Variants in VWA2 observed in about 807,000 individuals in gnomAD.
VWA2 encodes the protein von Willebrand factor A domain-containing protein 2.
In VWA2, 73 loss-of-function variants were observed where a neutral mutation model predicts 70.4. That is an observed-to-expected ratio of 1.04 (90% CI 0.86 to 1.26). VWA2 has a LOEUF of 1.26. VWA2 is among the 50% of genes most tolerant of loss of function. VWA2 has a pLI of 0.00. For synonymous variants in VWA2, 407 were observed against 423.3 expected, an observed-to-expected ratio of 0.96 and a Z score of 0.47; for missense variants, 1,011 against 998.5, an observed-to-expected ratio of 1.01 and a Z score of -0.17.
chr10:114,286,541 C>A, intron 11 of VWA2, 30 bp downstream of exon 11: 1 of 1,510,440 alleles, frequency 6.6e-7, no homozygotes, highest in Non-Finnish European at 8.8e-7. Flanking sequence ...CCCAGGACCG[C>A]TGGTCAGTGG....
chr10:114,239,733 T>C (rs2036941912), intron 1 of VWA2, among the ~76,000 whole-genome samples, 164 bp downstream of exon 1: 1 of 152,174 alleles, frequency 6.6e-6, no homozygotes, highest in Non-Finnish European at 1.5e-5. Context: ...TTGTTCGCAT[T>C]GTCTGCGCGC....
intron 1 of VWA2, chr10:114,246,126 G>A: frequency 1.0e-6 from 1 of 972,056 alleles, no homozygotes; most frequent in Non-Finnish European, 1.6e-6. Flanking sequence ...GATCTCTGGA[G>A]CCTTGGTGTT....
chr10:114,248,721 C>T lies in VWA2; in HGVS notation c.8C>T (p.Pro3Leu). ...CCCTGTAGTTATATCAACATGCCCC[C>T]TTTCCTGTTGCTGGAAGCCGTCTGT... The part of the protein sequence containing the change: MP[P>L]FLLLEAVCVF... Residue 3 changes from proline to leucine, a missense_variant, in exon 2 of 14, where the codon CCT (proline) becomes CTT (leucine). Physicochemically the swap from Pro to Leu is moderately conservative, Grantham distance 98. Coordinates refer to ENST00000392982, the MANE Select transcript of VWA2 (RefSeq NM_001272046.2). 5.6e-6 allele frequency: 9 copies of T among 1,613,602 alleles called. No homozygotes were observed. The highest frequency in any genetic ancestry group is 7.6e-6 in the Non-Finnish European group (9 of 1,179,552).
At chr10:114,245,211 C>A (rs117347380) in intron 1 of VWA2, among the ~76,000 whole-genome samples, 1 of 152,156 alleles carries the variant, frequency 6.6e-6, no homozygotes, top group African/African-American at 2.4e-5. Context: ...GAAACTTGGG[C>A]GCCTCTGGAA....
chr10:114,263,400 G>A (rs1216012232), intron 5 of VWA2, among the ~76,000 whole-genome samples: 1 of 135,508 alleles, frequency 7.4e-6, no homozygotes, highest in East Asian at 2.2e-4. Flanking sequence ...GCAGTGGCAC[G>A]ATCTCTGCTC....
chr10:114,247,689 A>C (rs922464496), intron 1 of VWA2, among the ~76,000 whole-genome samples: 5 of 151,852 alleles, frequency 3.3e-5, no homozygotes, highest in African/African-American at 1.2e-4. Context: ...ACGGAGCTGG[A>C]TGTATCTTGA....
rs1298713484 is a variant in VWA2 at position 114,286,045 on chromosome 10, GT to G, written c.1107del (p.Phe369LeufsTer6). On this transcript the variant is annotated frameshift_variant, in exon 11 of 14. Coordinates refer to ENST00000392982, the MANE Select transcript of VWA2 (RefSeq NM_001272046.2). LOFTEE classifies it high-confidence loss of function. ...FLRAKVFVKR[F>X]VRAVLSEDSR... ...TGCGGGCCAAAGTCTTCGTGAAGCG[GT>G]TTGTGCGGGCCGTGCTGAGCGAGGA... The G allele has an allele frequency of 6.2e-7, 1 of 1,614,084 alleles. No homozygotes were observed. The highest frequency in any genetic ancestry group is 1.1e-5 in the South Asian group (1 of 91,086).
At chr10:114,260,624 G>A (rs570190836) in intron 4 of VWA2, among the ~76,000 whole-genome samples, 33 of 152,312 alleles carry the variant, frequency 2.2e-4, no homozygotes, top group African/African-American at 7.7e-4. Flanking sequence ...GTGGGCTGCT[G>A]AGAAGGCAGG....
chr10:114,246,768 CAGG>C (rs1365894666), intron 1 of VWA2: 1 of 1,291,168 alleles, frequency 7.7e-7, no homozygotes, highest in African/African-American at 1.5e-5. Flanking sequence ...TATAACCTTT[CAGG>C]AACATGCTAC....
intron 13 of VWA2, 107 bp from the exon 14 acceptor site, chr10:114,291,111 G>T: frequency 7.7e-7 from 1 of 1,299,976 alleles, no homozygotes. Context: ...TGGGGGCGAG[G>T]TGGGTTGTAG....
In VWA2 at chr10:114,286,454, G is replaced by T; in HGVS notation, c.1513G>T (p.Asp505Tyr). The T allele has an allele frequency of 6.2e-7, 1 of 1,609,914 alleles. No individual in the cohort carries two copies. The highest frequency in any genetic ancestry group is 8.5e-7 in the Non-Finnish European group (1 of 1,177,778). The change falls in exon 11 of 14, where the codon GAT (aspartate) becomes TAT (tyrosine). Residue 505 changes from aspartate (D) to tyrosine (Y), a missense_variant. Physicochemically the swap from Asp to Tyr is radical, Grantham distance 160. Coordinates refer to ENST00000392982, the MANE Select transcript of VWA2 (RefSeq NM_001272046.2). ...TGTGATGGTCTACTCGGATCCTCAG[G>T]ATCTGTTCAACCAAATCCCTGAGCT... ...KHVMVYSDPQ[D>Y]LFNQIPELQG...
intron 7 of VWA2, among the ~76,000 whole-genome samples, chr10:114,278,384 G>T (rs1473272486): frequency 6.6e-6 from 1 of 152,162 alleles, no homozygotes; most frequent in Non-Finnish European, 1.5e-5. Context: ...TTTGTGCTTG[G>T]TGCGAGATCC....
chr10:114,279,987 A>G (rs2037987900), intron 8 of VWA2, among the ~76,000 whole-genome samples: 1 of 152,190 alleles, frequency 6.6e-6, no homozygotes, highest in South Asian at 2.1e-4. Flanking sequence ...TGCAGTGTAT[A>G]CTTCCTGGGC....
At chr10:114,270,312 C>T (rs1403935739) in intron 5 of VWA2, among the ~76,000 whole-genome samples, 1 of 152,188 alleles carries the variant, frequency 6.6e-6, no homozygotes, top group African/African-American at 2.4e-5. Flanking sequence ...AGCGGCATAA[C>T]CTTAGTTTGG....
Position 114,291,959 on chromosome 10 carries a change from T to G in VWA2, c.*722T>G, listed in dbSNP as rs1359918968. 1.3e-5 allele frequency among the ~76,000 whole-genome samples: 2 copies of G among 152,160 alleles called. No homozygotes were observed. Among genetic ancestry groups the G allele is most frequent in the Non-Finnish European group, 2.9e-5 (2 of 68,020 alleles). ...TAAAATCGTTCTGAGTCGTGAGCAG[T>G]GTCCACCTGAAGGGTCTTCCTTTCA... On this transcript the variant is annotated 3_prime_UTR_variant, in exon 14 of 14. Coordinates refer to ENST00000392982, the MANE Select transcript of VWA2 (RefSeq NM_001272046.2).
chr10:114,293,584 T>G lies in VWA2; in HGVS notation c.*2347T>G, dbSNP rs554120757. 2.6e-5 allele frequency among the ~76,000 whole-genome samples: 4 copies of G among 152,364 alleles called. No homozygotes were observed. Among genetic ancestry groups the G allele is most frequent in the African/African-American group, 7.2e-5 (3 of 41,594 alleles). Reference sequence around the variant, plus strand: ...CTATGGCCTAACTAGCCAAGCCTTTTTTCTTTCATTTAAAAGAAATTAGCT... The same window carrying G: ...CTATGGCCTAACTAGCCAAGCCTTTGTTCTTTCATTTAAAAGAAATTAGCT... On this transcript the variant is annotated 3_prime_UTR_variant, in exon 14 of 14. Coordinates refer to ENST00000392982, the MANE Select transcript of VWA2 (RefSeq NM_001272046.2).
At chr10:114,247,106 AG>A (rs1243039067) in intron 1 of VWA2, among the ~76,000 whole-genome samples, 5 of 151,920 alleles carry the variant, frequency 3.3e-5, no homozygotes, top group African/African-American at 7.3e-5. Flanking sequence ...TAACCTTCCC[AG>A]TACCTGAGTG....
rs34777463 is a variant in VWA2, at chr10:114,277,923, G to A, written c.576G>A (p.Glu192=). The A allele has an allele frequency of 1.1e-5, 17 of 1,608,172 alleles. No individual in the cohort carries two copies. Among genetic ancestry groups the A allele is most frequent in the Non-Finnish European group, 1.4e-5 (17 of 1,176,822 alleles). Residue 192 remains glutamate (E), a synonymous_variant, in exon 7 of 14, where the codon GAG becomes GAA. Transcript: ENST00000392982. ...AVGVRFPRWE[E]LHALASEPRG... Reference sequence around the variant, plus strand: ...CAACCCCTTGGCACAGGTGGGAGGAGCTGCATGCACTGGCCAGCGAGCCTA... The same window carrying A: ...CAACCCCTTGGCACAGGTGGGAGGAACTGCATGCACTGGCCAGCGAGCCTA...
At chr10:114,273,940 G>A (rs1265530248) in intron 6 of VWA2, among the ~76,000 whole-genome samples, 1 of 152,214 alleles carries the variant, frequency 6.6e-6, no homozygotes, top group African/African-American at 2.4e-5. Flanking sequence ...GAATAGAGAG[G>A]AAAGCTATTT....
Sources: gnomAD v4.1 joint callset for allele counts (sites outside exome capture counted in the v4.1 genomes callset) on GRCh38, gnomAD v4.1.1 for gene constraint, MANE v1.5 for transcripts, NCBI Gene and HGNC (gene_info 2026-07-23, HGNC 2026-07-21) for gene names.